The following ATP8A2 variants were observed in gnomAD, a reference collection of about 807,000 sequenced individuals.
The protein encoded by ATP8A2 is phospholipid-transporting ATPase IB.
Under a neutral mutation model 165.6 loss-of-function variants are expected in ATP8A2, and 100 were observed. The ratio of observed to expected loss-of-function variants is 0.60; its 90% CI spans 0.51 to 0.71. The LOEUF is 0.71. Among genes scored for constraint, ATP8A2 ranks in the 30% least tolerant of loss-of-function variants. ATP8A2 has a pLI of 0.00. For missense variants in ATP8A2, 1,227 were observed against 1,479.5 expected (o/e 0.83, Z 2.80); for synonymous variants, 543 against 548.8 (o/e 0.99, Z 0.15).
At chr13:25,757,024 A>T (rs77248813) in intron 25 of ATP8A2, among the ~76,000 whole-genome samples, 205 of 152,132 alleles carry the variant, frequency 1.3e-3, no homozygotes, top group African/African-American at 4.7e-3. Context: ...CCTCATTAAT[A>T]TGTTCACACA....
chr13:25,646,151 T>C (rs59707872), intron 24 of ATP8A2, among the ~76,000 whole-genome samples: 5,243 of 152,288 alleles, frequency 0.034, 152 homozygotes, highest in East Asian at 0.13. Context: ...TTGAACCCAT[T>C]GTTATTATAT....
intron 33 of ATP8A2, among the ~76,000 whole-genome samples, chr13:25,876,954 T>C (rs1282340997): frequency 6.6e-6 from 1 of 152,140 alleles, no homozygotes; most frequent in African/African-American, 2.4e-5. Flanking sequence ...CTGAAATTGT[T>C]TCGAACAGGA....
chr13:25,559,446 C>T (rs1010399972), intron 14 of ATP8A2, among the ~76,000 whole-genome samples: 1 of 152,106 alleles, frequency 6.6e-6, no homozygotes, highest in Non-Finnish European at 1.5e-5. Context: ...GCAGGAGAAT[C>T]GCTTGAACTT....
At chr13:25,620,233 G>C (rs528165442) in intron 24 of ATP8A2, among the ~76,000 whole-genome samples, 20 of 152,302 alleles carry the variant, frequency 1.3e-4, no homozygotes, top group African/African-American at 3.8e-4. Flanking sequence ...GTGGGGAGTA[G>C]GGGATGGGTA....
chr13:25,882,519 T>G (rs1378913482), intron 33 of ATP8A2, among the ~76,000 whole-genome samples: 3 of 152,214 alleles, frequency 2.0e-5, no homozygotes, highest in Non-Finnish European at 2.9e-5. Flanking sequence ...AATTGAATTA[T>G]GTAGGTTAAG....
chr13:25,901,408 G>GAA (rs796840011), intron 33 of ATP8A2, among the ~76,000 whole-genome samples: 5 of 136,274 alleles, frequency 3.7e-5, no homozygotes, highest in African/African-American at 1.3e-4. Flanking sequence ...TTATGTGAAA[G>GAA]AAAAAAAAAA....
chr13:25,883,291 G>T (rs776541118), intron 33 of ATP8A2, among the ~76,000 whole-genome samples: 2 of 152,106 alleles, frequency 1.3e-5, no homozygotes, highest in Admixed American at 6.5e-5. Flanking sequence ...GTGGTGGTGG[G>T]TGCCTGTAAT....
intron 1 of ATP8A2, among the ~76,000 whole-genome samples, chr13:25,417,659 G>A (rs2034174338): frequency 6.6e-6 from 1 of 152,198 alleles, no homozygotes; most frequent in Non-Finnish European, 1.5e-5. Flanking sequence ...TTTATTTACA[G>A]TAGAGATTTC....
At chr13:25,506,819 A>T (rs944290634) in intron 2 of ATP8A2, among the ~76,000 whole-genome samples, 1 of 151,956 alleles carries the variant, frequency 6.6e-6, no homozygotes, top group Admixed American at 6.6e-5. Flanking sequence ...TGTACATTGA[A>T]CCATCAGAAA....
At chr13:25,792,364 A>G (rs1211941762) in intron 27 of ATP8A2, among the ~76,000 whole-genome samples, 2 of 152,180 alleles carry the variant, frequency 1.3e-5, no homozygotes, top group African/African-American at 4.8e-5. Context: ...AACAGAAAAC[A>G]CTTTCTGCAG....
intron 25 of ATP8A2, among the ~76,000 whole-genome samples, chr13:25,762,410 A>G (rs1306374447): frequency 4.0e-5 from 6 of 151,678 alleles, no homozygotes; most frequent in Non-Finnish European, 7.4e-5. Context: ...GAATCACAGG[A>G]CAAGTGGGCT....
Position 25,780,583 on chromosome 13 carries a change from A to G in ATP8A2, c.2679+5624A>G, listed in dbSNP as rs377486107. ...TGTCAATATCTGACAAGCCTAAAACAAGCAAACAAACCTTTATTATACTGC... is the reference window on the plus strand; with the variant it reads ...TGTCAATATCTGACAAGCCTAAAACGAGCAAACAAACCTTTATTATACTGC... On this transcript the variant is annotated intron_variant, in intron 27 of 36. Transcript: ENST00000381655. 3.3e-5 allele frequency among the ~76,000 whole-genome samples: 5 copies of G among 152,306 alleles called. No individual in the cohort carries two copies. In the East Asian group the frequency reaches 9.6e-4, roughly 29 times the overall value.
At chr13:25,409,343 A>G (rs1229325112) in intron 1 of ATP8A2, among the ~76,000 whole-genome samples, 1 of 152,202 alleles carries the variant, frequency 6.6e-6, no homozygotes, top group East Asian at 1.9e-4. Flanking sequence ...TTGAAGCAGG[A>G]AAAATAGAAA....
At chr13:25,887,628 G>T (rs904972957) in intron 33 of ATP8A2, among the ~76,000 whole-genome samples, 1 of 152,116 alleles carries the variant, frequency 6.6e-6, no homozygotes, top group Non-Finnish European at 1.5e-5. Flanking sequence ...GAGCCACAGC[G>T]CCAGGCCCCT....
At chr13:25,432,021 A>T (rs1593298771) in intron 1 of ATP8A2, among the ~76,000 whole-genome samples, 1 of 152,196 alleles carries the variant, frequency 6.6e-6, no homozygotes, top group South Asian at 2.1e-4. Context: ...TCTTTTACTT[A>T]GTACAATATT....
chr13:25,769,154 A>G lies in ATP8A2; in HGVS notation c.2493A>G (p.Thr831=), dbSNP rs1380577864. ...CCAACGATGTCGGGATGATCCAGAC[A>G]GCCCACGTGGGTGTGGGAATCAGTG... is the stretch of plus-strand genomic sequence containing the variant. ...DGANDVGMIQ[T]AHVGVGISGN... The change falls in exon 26 of 37, where the codon ACA becomes ACG. Residue 831 remains threonine (T), a synonymous_variant. Coordinates refer to ENST00000381655, the MANE Select transcript of ATP8A2 (RefSeq NM_016529.6). 2 of 1,614,148 alleles carry G rather than the reference A, an allele frequency of 1.2e-6. No individual in the cohort carries two copies. The highest frequency in any genetic ancestry group is 1.1e-5 in the South Asian group (1 of 91,084).
intron 35 of ATP8A2, among the ~76,000 whole-genome samples, chr13:26,003,592 T>C (rs1380352988): frequency 6.6e-6 from 1 of 152,186 alleles, no homozygotes; most frequent in Admixed American, 6.5e-5. Flanking sequence ...ATTCAAAAAA[T>C]TACTGTCCAG....
At chr13:25,550,961 G>C (rs1385032697) in intron 10 of ATP8A2, among the ~76,000 whole-genome samples, 4 of 152,100 alleles carry the variant, frequency 2.6e-5, no homozygotes, top group Admixed American at 1.3e-4. Flanking sequence ...GATTTTTATG[G>C]TATGGAATGT....
chr13:25,446,825 T>C (rs2035081540), intron 1 of ATP8A2, among the ~76,000 whole-genome samples: 2 of 150,980 alleles, frequency 1.3e-5, no homozygotes. Flanking sequence ...ATAAGAGAAC[T>C]TTGATTTTTA....
Sources: allele counts gnomAD v4.1 joint callset (sites outside exome capture counted in the v4.1 genomes callset), GRCh38; gene constraint gnomAD v4.1.1; transcripts MANE v1.5; gene names NCBI Gene and HGNC (gene_info 2026-07-23, HGNC 2026-07-21).